NFIA: variants seen among roughly 807,000 people sequenced by gnomAD.
The protein encoded by NFIA is nuclear factor 1 A-type.
Under a neutral mutation model 62.8 loss-of-function variants are expected in NFIA, and 8 were observed. That is an observed-to-expected ratio of 0.13 (90% confidence interval 0.07 to 0.23). NFIA has a LOEUF of 0.23. NFIA is among the 10% of genes least tolerant of loss of function. The probability of loss-of-function intolerance (pLI) is 1.00; values close to 1 mark genes in which losing one functional copy is unlikely to be tolerated. For missense variants in NFIA, 410 were observed against 642.1 expected (o/e 0.64, Z 3.91); for synonymous variants, 235 against 238.1 (o/e 0.99, Z 0.12).
chr1:61,452,687 T>C (rs12093862), intron 10 of NFIA, among the ~76,000 whole-genome samples: 1,997 of 152,240 alleles, frequency 0.013, 40 homozygotes, highest in African/African-American at 0.046. Flanking sequence ...TTTGAAAGCT[T>C]TAACGTTAGA....
At chr1:61,424,083 C>T (rs1203130036) in intron 9 of NFIA, among the ~76,000 whole-genome samples, 2 of 152,012 alleles carry the variant, frequency 1.3e-5, no homozygotes, top group East Asian at 3.9e-4. Context: ...TTTCTAGAAG[C>T]TCTGGTAGGC....
At chr1:61,397,511 A>G (rs564166987) in intron 7 of NFIA, among the ~76,000 whole-genome samples, 13 of 152,256 alleles carry the variant, frequency 8.5e-5, no homozygotes, top group African/African-American at 2.2e-4. Flanking sequence ...GCAAATTTCA[A>G]TGTATTCATT....
chr1:61,325,648 G>A (rs892697580), intron 3 of NFIA, among the ~76,000 whole-genome samples: 1 of 152,202 alleles, frequency 6.6e-6, no homozygotes, highest in African/African-American at 2.4e-5. Context: ...GCTAGGCGTG[G>A]TGGCTCACGC....
At chr1:61,106,055 T>TC (rs1418657688) in intron 2 of NFIA, among the ~76,000 whole-genome samples, 11 of 151,790 alleles carry the variant, frequency 7.2e-5, no homozygotes, top group South Asian at 6.2e-4. Context: ...AACTCATTTA[T>TC]CACCCTTCTG....
At chr1:61,397,992 G>C (rs1328863542) in intron 7 of NFIA, among the ~76,000 whole-genome samples, 1 of 152,228 alleles carries the variant, frequency 6.6e-6, no homozygotes, top group Non-Finnish European at 1.5e-5. Flanking sequence ...AATTGGTATT[G>C]ACTGTCAGGG....
At chr1:61,120,198 T>C (rs143092102) in intron 2 of NFIA, among the ~76,000 whole-genome samples, 73 of 152,356 alleles carry the variant, frequency 4.8e-4, no homozygotes, top group African/African-American at 1.7e-3. Flanking sequence ...GATGACAAGA[T>C]TGAATTAACT....
At position 61,462,579 on chromosome 1, in the gene NFIA, G is replaced by T. The variant is rs1268817372; in HGVS notation, c.*7259G>T. On this transcript the variant is annotated 3_prime_UTR_variant, in exon 11 of 11. Coordinates refer to ENST00000403491, the MANE Select transcript of NFIA (RefSeq NM_001134673.4). ...TACCCTTTTAGTTTTACTGTGTTCT[G>T]TGAAAATTTGTAATTGGTTGAGAAT... The T allele has an allele frequency of 6.6e-6, 1 of 152,128 alleles. No individual in the cohort carries two copies. Among genetic ancestry groups the T allele is most frequent in the Non-Finnish European group, 1.5e-5 (1 of 68,030 alleles). 9.4% of individuals were successfully genotyped at this position (152,128 alleles called of 1,614,324 possible).
intron 3 of NFIA, 110 bp from the exon 4 acceptor site, chr1:61,332,402 T>G: frequency 1.5e-4 from 147 of 974,520 alleles, no homozygotes; most frequent in Non-Finnish European, 2.2e-4. Flanking sequence ...GAGCAGAGAA[T>G]GAGATTAGGC....
chr1:61,176,470 G>T (rs1308245817), intron 2 of NFIA, among the ~76,000 whole-genome samples: 5 of 152,098 alleles, frequency 3.3e-5, no homozygotes, highest in South Asian at 2.1e-4. Flanking sequence ...ATCTATTTTG[G>T]TTTTTTAGCG....
chr1:61,295,961 A>T (rs910377472), intron 3 of NFIA, among the ~76,000 whole-genome samples: 1 of 152,192 alleles, frequency 6.6e-6, no homozygotes, highest in East Asian at 1.9e-4. Flanking sequence ...GCTGTTGCAT[A>T]AGAAATGCAC....
intron 10 of NFIA, among the ~76,000 whole-genome samples, chr1:61,427,476 C>T (rs1474087769): frequency 6.6e-6 from 1 of 152,104 alleles, no homozygotes; most frequent in Non-Finnish European, 1.5e-5. Context: ...ATTCTTGGAG[C>T]AATTTTGTGC....
intron 10 of NFIA, among the ~76,000 whole-genome samples, chr1:61,428,785 C>A (rs72915752): frequency 6.6e-6 from 1 of 152,040 alleles, no homozygotes; most frequent in Non-Finnish European, 1.5e-5. Context: ...AGAACATGGT[C>A]GGCAGATTTC....
At chr1:61,113,621 A>G (rs1646745350) in intron 2 of NFIA, among the ~76,000 whole-genome samples, 1 of 150,228 alleles carries the variant, frequency 6.7e-6, no homozygotes, top group East Asian at 2.0e-4. Context: ...AAAAAAGAGA[A>G]TATGTTTGGT....
chr1:61,271,994 A>G (rs1657534670), intron 2 of NFIA, among the ~76,000 whole-genome samples: 1 of 152,188 alleles, frequency 6.6e-6, no homozygotes, highest in African/African-American at 2.4e-5. Flanking sequence ...GTTAATTTTC[A>G]TTAAGCGGGC....
In NFIA at chr1:61,410,325, A is replaced by G. The variant is rs532216496; in HGVS notation, c.1420+3598A>G. ...CCAGCTGGGGGCCTAAAATTGGATT[A>G]CCACTAGATAAAAATGTAGGGCAAA... On this transcript the variant is annotated intron_variant, in intron 9 of 10. Coordinates refer to ENST00000403491, the MANE Select transcript of NFIA (RefSeq NM_001134673.4). Among the ~76,000 whole-genome samples the G allele has an allele frequency of 3.9e-5, 6 of 152,280 alleles. No homozygotes were observed. In the South Asian group the frequency reaches 1.2e-3, roughly 32 times the overall value.
At chr1:61,385,069 T>C (rs1276179764) in intron 7 of NFIA, among the ~76,000 whole-genome samples, 1 of 151,602 alleles carries the variant, frequency 6.6e-6, no homozygotes, top group Non-Finnish European at 1.5e-5. Flanking sequence ...CCATCTCTAC[T>C]AAAAATACAA....
intron 2 of NFIA, among the ~76,000 whole-genome samples, chr1:61,195,179 G>T (rs181812829): frequency 3.2e-4 from 49 of 152,088 alleles, no homozygotes; most frequent in African/African-American, 1.2e-3. Context: ...AGGGATTCTT[G>T]GTGTACATTT....
Position 61,461,682 on chromosome 1 carries a change from G to A in NFIA, c.*6362G>A, listed in dbSNP as rs1450690468. On this transcript the variant is annotated 3_prime_UTR_variant, in exon 11 of 11. Coordinates refer to ENST00000403491, the MANE Select transcript of NFIA (RefSeq NM_001134673.4). The stretch of plus-strand genomic sequence containing the variant: ...ACCTCATCTGTGTGCCTGGTATCCT[G>A]AGTTTTACATGTAGATGCATTCGCC... 7 of 152,308 alleles carry A rather than the reference G, an allele frequency of 4.6e-5. 1 individual carries two copies. The highest frequency in any genetic ancestry group is 4.6e-4 in the Admixed American group (7 of 15,292). The allele number at this position is 152,308 out of a possible 1,614,324, so 9.4% of individuals were successfully genotyped here.
At chr1:61,179,530 T>G (rs529388061) in intron 2 of NFIA, among the ~76,000 whole-genome samples, 2 of 152,314 alleles carry the variant, frequency 1.3e-5, no homozygotes, top group East Asian at 3.9e-4. Flanking sequence ...ATGCCACCTT[T>G]GAGTCATTGC....
Sources: allele counts gnomAD v4.1 joint callset (sites outside exome capture counted in the v4.1 genomes callset), GRCh38; gene constraint gnomAD v4.1.1; transcripts MANE v1.5; gene names NCBI Gene and HGNC (gene_info 2026-07-23, HGNC 2026-07-21).